The following NKAIN2 variants were observed in gnomAD, a reference collection of about 807,000 sequenced individuals.
NKAIN2 encodes sodium/potassium-transporting ATPase subunit beta-1-interacting protein 2.
In NKAIN2, 14 loss-of-function variants were observed where a neutral mutation model predicts 32.6. The observed-to-expected ratio is 0.43, with a 90% CI of 0.28 to 0.67. The LOEUF (loss-of-function observed/expected upper bound fraction) is 0.67, where lower values mean the gene tolerates loss of function less well. Among genes scored for constraint, NKAIN2 ranks in the 30% least tolerant of loss-of-function variants. The pLI, the probability that NKAIN2 is intolerant of heterozygous loss-of-function variation, is 0.17. For missense variants in NKAIN2, 198 were observed against 258.3 expected (o/e 0.77, Z 1.60); for synonymous variants, 80 against 87.2 (o/e 0.92, Z 0.46).
intron 5 of NKAIN2, among the ~76,000 whole-genome samples, chr6:124,804,690 C>A (rs1780439874): frequency 6.6e-6 from 1 of 152,220 alleles, no homozygotes; most frequent in Admixed American, 6.5e-5. Flanking sequence ...CAGGGCGAGG[C>A]ATTGCCTCAC....
chr6:124,743,525 G>A (rs117465424), intron 4 of NKAIN2, among the ~76,000 whole-genome samples: 4,777 of 151,658 alleles, frequency 0.031, 94 homozygotes, highest in East Asian at 0.085. Context: ...TGAATCTCCC[G>A]ACCCTGATTT....
chr6:124,348,208 A>T (rs998479358), intron 2 of NKAIN2, among the ~76,000 whole-genome samples: 3 of 151,888 alleles, frequency 2.0e-5, no homozygotes, highest in Non-Finnish European at 4.4e-5. Flanking sequence ...TTTGTCTCAG[A>T]GTTGTACCCG....
In NKAIN2 at chr6:124,783,549, T is replaced by C. The variant is rs115450574; in HGVS notation, c.475-7790T>C. 2.3e-3 allele frequency among the ~76,000 whole-genome samples: 354 copies of C among 152,288 alleles called. 3 individuals are homozygous for C. The highest frequency in any genetic ancestry group is 8.2e-3 in the African/African-American group (340 of 41,576). On this transcript the variant is annotated intron_variant, in intron 4 of 6. Coordinates refer to ENST00000368417, the MANE Select transcript of NKAIN2 (RefSeq NM_001040214.3). Reference sequence around the variant, plus strand: ...CCTGGAGGCAATCCTCCATGTGTTATTGCAGGTTGATAACTGCACCTGGAT... The same window carrying C: ...CCTGGAGGCAATCCTCCATGTGTTACTGCAGGTTGATAACTGCACCTGGAT...
chr6:124,068,979 A>G (rs1354491173), intron 1 of NKAIN2, among the ~76,000 whole-genome samples: 2 of 152,070 alleles, frequency 1.3e-5, no homozygotes, highest in African/African-American at 4.8e-5. Flanking sequence ...TTGCTCTTGC[A>G]GGTACTCCTC....
At chr6:124,817,687 T>G (rs1326018401) in intron 5 of NKAIN2, among the ~76,000 whole-genome samples, 1 of 152,194 alleles carries the variant, frequency 6.6e-6, no homozygotes, top group Non-Finnish European at 1.5e-5. Flanking sequence ...AAAGTCACAT[T>G]GTAAAAACAT....
chr6:124,018,665 A>C (rs780033345), intron 1 of NKAIN2, among the ~76,000 whole-genome samples: 1 of 152,090 alleles, frequency 6.6e-6, no homozygotes, highest in Non-Finnish European at 1.5e-5. Flanking sequence ...CCTCATCTCC[A>C]TCTGAGGCAC....
intron 1 of NKAIN2, among the ~76,000 whole-genome samples, chr6:123,870,165 T>C (rs12196863): frequency 6.6e-6 from 1 of 151,920 alleles, no homozygotes; most frequent in Admixed American, 6.6e-5. Flanking sequence ...TTGCTCTTAT[T>C]GAGTTTACAT....
chr6:124,381,220 A>G (rs978467499), intron 3 of NKAIN2, among the ~76,000 whole-genome samples: 1 of 152,138 alleles, frequency 6.6e-6, no homozygotes, highest in African/African-American at 2.4e-5. Context: ...TTGTTTGAAA[A>G]TATGTAGTTT....
intron 3 of NKAIN2, among the ~76,000 whole-genome samples, chr6:124,565,264 A>G (rs781137752): frequency 6.6e-6 from 1 of 152,198 alleles, no homozygotes; most frequent in Non-Finnish European, 1.5e-5. Flanking sequence ...CTCCCCAAAG[A>G]GATTGGACAA....
chr6:124,405,007 A>G (rs1325202260), intron 3 of NKAIN2, among the ~76,000 whole-genome samples: 1 of 152,154 alleles, frequency 6.6e-6, no homozygotes, highest in African/African-American at 2.4e-5. Flanking sequence ...ACATTAGAGA[A>G]GCAAACGAAT....
At chr6:123,957,960 A>G (rs1198290034) in intron 1 of NKAIN2, among the ~76,000 whole-genome samples, 1 of 152,194 alleles carries the variant, frequency 6.6e-6, no homozygotes. Context: ...TGGATTGACT[A>G]TGTTTTATGG....
intron 1 of NKAIN2, among the ~76,000 whole-genome samples, chr6:123,805,210 A>G (rs1018370841): frequency 6.6e-6 from 1 of 152,226 alleles, no homozygotes; most frequent in Non-Finnish European, 1.5e-5. Context: ...CTTAGAAAGT[A>G]TAAATTAACT....
At chr6:123,938,541 ATAT>A (rs1328353819) in intron 1 of NKAIN2, among the ~76,000 whole-genome samples, 3 of 136,980 alleles carry the variant, frequency 2.2e-5, no homozygotes, top group African/African-American at 5.3e-5. Flanking sequence ...TATTTTTTAT[ATAT>A]TATATATTTA....
intron 3 of NKAIN2, among the ~76,000 whole-genome samples, chr6:124,538,493 A>G (rs1244709084): frequency 6.6e-6 from 1 of 151,962 alleles, no homozygotes; most frequent in Non-Finnish European, 1.5e-5. Context: ...TTGTTTGCTT[A>G]TTTATTTATT....
intron 4 of NKAIN2, among the ~76,000 whole-genome samples, chr6:124,769,019 T>TA (rs1318579117): frequency 6.6e-6 from 1 of 152,214 alleles, no homozygotes; most frequent in Non-Finnish European, 1.5e-5. Context: ...GAACAATCTA[T>TA]AGTCACATGT....
intron 1 of NKAIN2, among the ~76,000 whole-genome samples, chr6:124,141,159 A>T (rs1787117967): frequency 6.6e-6 from 1 of 152,184 alleles, no homozygotes; most frequent in Non-Finnish European, 1.5e-5. Context: ...TAGTGGAAGC[A>T]ATTGTGCGTA....
chr6:124,171,772 G>A (rs1280265797), intron 1 of NKAIN2, among the ~76,000 whole-genome samples: 8 of 144,424 alleles, frequency 5.5e-5, no homozygotes, highest in Non-Finnish European at 1.1e-4. Context: ...GGCTGGTCTC[G>A]AACTCCTGAG....
chr6:123,815,534 C>G (rs1277625652), intron 1 of NKAIN2, among the ~76,000 whole-genome samples: 2 of 151,898 alleles, frequency 1.3e-5, no homozygotes, highest in Non-Finnish European at 2.9e-5. Context: ...TTGTTTTTAG[C>G]TTGTTTGGCA....
At chr6:124,359,775 G>T (rs1398160428) in intron 3 of NKAIN2, among the ~76,000 whole-genome samples, 1 of 152,072 alleles carries the variant, frequency 6.6e-6, no homozygotes, top group Non-Finnish European at 1.5e-5. Flanking sequence ...TGCTTCTCCT[G>T]CCTGATTGCT....
Sources: gnomAD v4.1 joint callset for allele counts (sites outside exome capture counted in the v4.1 genomes callset) on GRCh38, gnomAD v4.1.1 for gene constraint, MANE v1.5 for transcripts, NCBI Gene and HGNC (gene_info 2026-07-23, HGNC 2026-07-21) for gene names.